Variants in NETO1 observed in about 807,000 individuals in gnomAD.
NETO1 encodes the protein neuropilin and tolloid-like protein 1.
NETO1 carries 26 observed loss-of-function variants against 61.3 expected under a neutral mutation model. The ratio of observed to expected loss-of-function variants is 0.42; its 90% CI spans 0.31 to 0.59. The LOEUF is 0.59. Among genes scored for constraint, NETO1 ranks in the 20% least tolerant of loss-of-function variants. The pLI is 0.12. For missense variants in NETO1, 531 were observed against 662.8 expected (o/e 0.80, Z 2.18); for synonymous variants, 225 against 225.8 (o/e 1.00, Z 0.03).
At chr18:72,774,158 T>C (rs932848984) in intron 7 of NETO1, among the ~76,000 whole-genome samples, 29 of 152,202 alleles carry the variant, frequency 1.9e-4, no homozygotes, top group Admixed American at 1.4e-3. Flanking sequence ...AAGTGATTCA[T>C]ATTTTATGGT....
intron 4 of NETO1, among the ~76,000 whole-genome samples, chr18:72,855,522 T>C (rs920898369): frequency 2.0e-5 from 3 of 152,214 alleles, no homozygotes; most frequent in African/African-American, 4.8e-5. Flanking sequence ...AGCCCATTTC[T>C]ATTCTCTCTC....
At chr18:72,861,861 G>T (rs2074582297) in intron 3 of NETO1, among the ~76,000 whole-genome samples, 1 of 152,154 alleles carries the variant, frequency 6.6e-6, no homozygotes, top group South Asian at 2.1e-4. Flanking sequence ...CTATGCCAAT[G>T]GGAGTGCTCA....
Position 72,859,059 on chromosome 18 carries a change from C to A in NETO1, c.236G>T (p.Cys79Phe). The change falls in exon 4 of 11, where the codon TGC becomes TTC. Residue 79 changes from cysteine to phenylalanine, a missense_variant. Transcript: ENST00000327305. The part of the protein sequence containing the change: ...IYIIEAAPRQ[C>F]IELYFDEKYS... Reference sequence around the variant, plus strand: ...CTTTTCATCAAAGTAAAGTTCAATGCACTGTCTTGGAGCGGCTGTAAAGAA... The same window carrying A: ...CTTTTCATCAAAGTAAAGTTCAATGAACTGTCTTGGAGCGGCTGTAAAGAA... 3 of 1,612,820 alleles carry A rather than the reference C, an allele frequency of 1.9e-6. No individual in the cohort carries two copies. Among genetic ancestry groups the A allele is most frequent in the Admixed American group, 1.7e-5 (1 of 59,866 alleles).
At chr18:72,826,232 A>G (rs991920040) in intron 4 of NETO1, among the ~76,000 whole-genome samples, 1 of 152,170 alleles carries the variant, frequency 6.6e-6, no homozygotes, top group Non-Finnish European at 1.5e-5. Flanking sequence ...TATCACCATT[A>G]CGCAGTTACT....
chr18:72,840,068 GA>G (rs1445811441), intron 4 of NETO1, among the ~76,000 whole-genome samples: 1 of 152,170 alleles, frequency 6.6e-6, no homozygotes, highest in Admixed American at 6.5e-5. Flanking sequence ...TAATTCCTTT[GA>G]AAACAGTATG....
chr18:72,828,142 G>A (rs941524117), intron 4 of NETO1, among the ~76,000 whole-genome samples: 5 of 152,034 alleles, frequency 3.3e-5, no homozygotes, highest in South Asian at 2.1e-4. Flanking sequence ...GCGAAACCCC[G>A]TCTCTACTAA....
In NETO1 at chr18:72,816,170, G is replaced by C. The variant is rs558914112; in HGVS notation, c.470-21766C>G. Among the ~76,000 whole-genome samples, 3 of 152,094 alleles carry C rather than the reference G, an allele frequency of 2.0e-5. No homozygotes were observed. In the South Asian group the frequency reaches 6.2e-4, roughly 32 times the overall value. On this transcript the variant is annotated intron_variant, in intron 4 of 10. Transcript: ENST00000327305. The stretch of plus-strand genomic sequence containing the variant: ...GGACAAAGATGAATTTCAGAGTGCT[G>C]AGAGTGAGCTGAGTGTGGCCTTAAG...
intron 3 of NETO1, among the ~76,000 whole-genome samples, chr18:72,862,371 T>C (rs1488535110): frequency 6.6e-6 from 1 of 152,206 alleles, no homozygotes; most frequent in Non-Finnish European, 1.5e-5. Flanking sequence ...CGTACATATA[T>C]ACATTTTCAG....
At chr18:72,816,524 G>A (rs1049018883) in intron 4 of NETO1, among the ~76,000 whole-genome samples, 4 of 152,272 alleles carry the variant, frequency 2.6e-5, no homozygotes, top group South Asian at 4.1e-4. Context: ...TTGGGAGCGG[G>A]GGAAAGGGAG....
At chr18:72,846,972 G>A (rs974346335) in intron 4 of NETO1, among the ~76,000 whole-genome samples, 1 of 152,246 alleles carries the variant, frequency 6.6e-6, no homozygotes, top group African/African-American at 2.4e-5. Context: ...GACTGCATGG[G>A]CAAGCAAAAC....
At chr18:72,850,937 C>T (rs949040749) in intron 4 of NETO1, among the ~76,000 whole-genome samples, 2 of 152,166 alleles carry the variant, frequency 1.3e-5, no homozygotes, top group Non-Finnish European at 2.9e-5. Flanking sequence ...GGATGGAGCC[C>T]TGCTCTGGGG....
intron 4 of NETO1, among the ~76,000 whole-genome samples, chr18:72,800,562 A>G (rs982736169): frequency 4.6e-5 from 7 of 152,186 alleles, no homozygotes; most frequent in Non-Finnish European, 4.4e-5. Flanking sequence ...GAGTTGTATA[A>G]TTATCTCATT....
intron 4 of NETO1, among the ~76,000 whole-genome samples, chr18:72,823,330 G>T (rs1193488050): frequency 2.6e-5 from 4 of 152,156 alleles, no homozygotes; most frequent in African/African-American, 9.7e-5. Flanking sequence ...TCAGTGGGTG[G>T]TAGGTAGGTA....
chr18:72,836,776 A>G (rs8092691), intron 4 of NETO1, among the ~76,000 whole-genome samples: 146,613 of 152,284 alleles, frequency 0.96, 70,672 homozygotes, highest in Non-Finnish European at 0.99. Flanking sequence ...GCTACTGAGC[A>G]ATTTTAATCC....
intron 3 of NETO1, among the ~76,000 whole-genome samples, chr18:72,860,225 C>T (rs1365233838): frequency 6.6e-6 from 1 of 152,184 alleles, no homozygotes; most frequent in Non-Finnish European, 1.5e-5. Context: ...CCTCTGAGTG[C>T]TTCCCTGCTA....
intron 4 of NETO1, among the ~76,000 whole-genome samples, chr18:72,826,434 A>AC (rs202080802): frequency 0.036 from 5,529 of 151,968 alleles, 115 homozygotes; most frequent in South Asian, 0.07. Flanking sequence ...TCCTCAGTGT[A>AC]ATTCTTTTCT....
intron 4 of NETO1, among the ~76,000 whole-genome samples, chr18:72,833,812 A>G (rs1467710091): frequency 1.3e-5 from 2 of 152,198 alleles, no homozygotes; most frequent in Admixed American, 1.3e-4. Flanking sequence ...TTTTAAAACA[A>G]CTGTGTACAA....
intron 4 of NETO1, among the ~76,000 whole-genome samples, chr18:72,820,324 A>G (rs1222322583): frequency 1.3e-5 from 2 of 152,246 alleles, no homozygotes; most frequent in African/African-American, 2.4e-5. Context: ...ACAGATGTAG[A>G]GCAATTAAAC....
intron 4 of NETO1, among the ~76,000 whole-genome samples, chr18:72,807,911 C>T (rs991939246): frequency 6.6e-6 from 1 of 152,148 alleles, no homozygotes; most frequent in Non-Finnish European, 1.5e-5. Context: ...AATATCCCTG[C>T]CCCTTAATTC....
Sources: gnomAD v4.1 joint callset for allele counts (sites outside exome capture counted in the v4.1 genomes callset) on GRCh38, gnomAD v4.1.1 for gene constraint, MANE v1.5 for transcripts, NCBI Gene and HGNC (gene_info 2026-07-23, HGNC 2026-07-21) for gene names.